Variants in LRBA observed in about 807,000 individuals in gnomAD.
LRBA encodes the protein lipopolysaccharide-responsive and beige-like anchor protein.
In LRBA, 176 loss-of-function variants were observed where a neutral mutation model predicts 330.0. The observed-to-expected ratio is 0.53, with a 90% CI of 0.47 to 0.60. LRBA has a LOEUF of 0.60. LRBA is among the 20% of genes least tolerant of loss of function. The probability of loss-of-function intolerance (pLI) is 0.00; values close to 1 mark genes in which losing one functional copy is unlikely to be tolerated. For synonymous variants in LRBA, 1,230 were observed against 1,193.0 expected (o/e 1.03, Z -0.64); for missense variants, 3,259 against 3,444.8 (o/e 0.95, Z 1.35).
chr4:150,978,325 C>T (rs1187912709), intron 2 of LRBA, among the ~76,000 whole-genome samples: 1 of 152,238 alleles, frequency 6.6e-6, no homozygotes, highest in African/African-American at 2.4e-5. Context: ...TCTACAAGAA[C>T]CAAAGCATTA....
At chr4:150,467,523 T>C in intron 44 of LRBA, 150 bp downstream of exon 44, 1 of 524,928 alleles carries the variant, frequency 1.9e-6, no homozygotes, top group Non-Finnish European at 3.4e-6. Flanking sequence ...CATTAAATTT[T>C]TCCATTTGAA....
chr4:150,774,035 G>C (rs1736931217), intron 34 of LRBA, among the ~76,000 whole-genome samples: 1 of 152,118 alleles, frequency 6.6e-6, no homozygotes, highest in Admixed American at 6.5e-5. Context: ...AATTTTGGTG[G>C]CACACCAGTG....
In LRBA at chr4:150,583,645, G is replaced by A. The variant is rs866177323; in HGVS notation, c.6330+4403C>T. On this transcript the variant is annotated intron_variant, in intron 40 of 56. Transcript: ENST00000651943. The surrounding 1 kb of genome is among the most constrained non-coding windows in gnomAD (Gnocchi z 9.8). ...CAATCGGGTGGCCGAGGTCAAGGCCGAAGGGTTCAACTTGCTCTCGAAGGA... is the reference window on the plus strand; with the variant it reads ...CAATCGGGTGGCCGAGGTCAAGGCCAAAGGGTTCAACTTGCTCTCGAAGGA... 6.2e-7 allele frequency: 1 copy of A among 1,614,010 alleles called. No individual in the cohort carries two copies. Among genetic ancestry groups the A allele is most frequent in the African/African-American group, 1.3e-5 (1 of 75,056 alleles).
chr4:150,837,865 T>C (rs1472603988), intron 28 of LRBA, among the ~76,000 whole-genome samples: 1 of 152,242 alleles, frequency 6.6e-6, no homozygotes, highest in African/African-American at 2.4e-5. Context: ...GCTCATTAGT[T>C]GATGCAGTTT....
At chr4:150,907,924 TAATA>T (rs1418064312) in intron 11 of LRBA, among the ~76,000 whole-genome samples, 12 of 152,222 alleles carry the variant, frequency 7.9e-5, no homozygotes, top group Non-Finnish European at 1.5e-4. Flanking sequence ...ATGCAATCAG[TAATA>T]AATAATTAAA....
At chr4:150,471,132 A>G (rs1393160640) in intron 43 of LRBA, among the ~76,000 whole-genome samples, 1 of 152,214 alleles carries the variant, frequency 6.6e-6, no homozygotes, top group Non-Finnish European at 1.5e-5. Context: ...ACAAAAATAT[A>G]CAGTATATAC....
At chr4:150,565,097 G>A (rs1227417124) in intron 40 of LRBA, among the ~76,000 whole-genome samples, 1 of 152,038 alleles carries the variant, frequency 6.6e-6, no homozygotes, top group East Asian at 1.9e-4. Flanking sequence ...CAAAGACATG[G>A]AACCAACCCA....
intron 35 of LRBA, among the ~76,000 whole-genome samples, chr4:150,736,981 G>A (rs1209285230): frequency 1.3e-5 from 2 of 152,042 alleles, no homozygotes; most frequent in Admixed American, 6.6e-5. Flanking sequence ...TGGGAGGTCC[G>A]GGCGAGAGGA....
chr4:150,342,351 A>G (rs1052111863), intron 48 of LRBA, among the ~76,000 whole-genome samples: 19 of 152,172 alleles, frequency 1.2e-4, no homozygotes, highest in Non-Finnish European at 2.4e-4. Flanking sequence ...TGTTAAAGGC[A>G]GTGAAAAAAA....
intron 17 of LRBA, among the ~76,000 whole-genome samples, chr4:150,889,175 T>C (rs1729226301): frequency 1.3e-5 from 2 of 152,132 alleles, no homozygotes; most frequent in African/African-American, 4.8e-5. Flanking sequence ...TCTGTTTTAC[T>C]CAAAGTCCAC....
intron 37 of LRBA, among the ~76,000 whole-genome samples, chr4:150,655,637 A>C (rs1780111719): frequency 1.3e-5 from 2 of 152,242 alleles, no homozygotes; most frequent in Admixed American, 6.5e-5. Context: ...TTGGCAAACC[A>C]AAAGTTTGCT....
chr4:150,389,000 G>A (rs374306836), intron 47 of LRBA, among the ~76,000 whole-genome samples: 1 of 152,042 alleles, frequency 6.6e-6, no homozygotes, highest in African/African-American at 2.4e-5. Flanking sequence ...AAAAGTATGT[G>A]ACACTATAAT....
At chr4:150,457,697 T>C (rs1043105615) in intron 44 of LRBA, among the ~76,000 whole-genome samples, 4 of 151,914 alleles carry the variant, frequency 2.6e-5, no homozygotes, top group Non-Finnish European at 5.9e-5. Context: ...GGATAGTTAC[T>C]ACTACTAATT....
chr4:150,975,734 A>C lies in LRBA; in HGVS notation c.216+38693T>G, dbSNP rs114431817. Among the ~76,000 whole-genome samples, 608 of 152,214 alleles carry C rather than the reference A, an allele frequency of 4.0e-3. 6 individuals are homozygous for C. The highest frequency in any genetic ancestry group is 0.014 in the African/African-American group (573 of 41,568). ...AGATGACAGAAAAAATAATCAATGAATATAAAAATAAATCAATATAAATTA... is the reference window on the plus strand; with the variant it reads ...AGATGACAGAAAAAATAATCAATGACTATAAAAATAAATCAATATAAATTA... On this transcript the variant is annotated intron_variant, in intron 2 of 56. Coordinates refer to ENST00000651943, the MANE Select transcript of LRBA (RefSeq NM_001364905.1).
intron 20 of LRBA, among the ~76,000 whole-genome samples, chr4:150,869,863 T>G (rs575121099): frequency 6.6e-6 from 1 of 152,124 alleles, no homozygotes; most frequent in Non-Finnish European, 1.5e-5. Context: ...TAGACCAGCC[T>G]GGGCAACATA....
chr4:150,737,053 A>C (rs75935369), intron 35 of LRBA, among the ~76,000 whole-genome samples: 5,032 of 152,206 alleles, frequency 0.033, 232 homozygotes, highest in African/African-American at 0.11. Context: ...ATCTCTACCA[A>C]GAAAGTTTTT....
rs57550785 is a variant in LRBA at position 150,981,962 on chromosome 4, C to CAAAA, written c.216+32461_216+32464dup. ...AGGGAGACAGAGCAAGACTCCATCT[C>CAAAA]AAAAAAAAAAAAAAAAAAGTAACCT... is the stretch of plus-strand genomic sequence containing the variant. On this transcript the variant is annotated intron_variant, in intron 2 of 56. Transcript: ENST00000651943. Among the ~76,000 whole-genome samples the CAAAA allele has an allele frequency of 7.3e-4, 47 of 63,946 alleles. 2 individuals are homozygous for CAAAA. In the South Asian group the frequency reaches 0.024, roughly 33 times the overall value. The allele number at this position is 63,946 out of a possible 152,430, so 42.0% of individuals were successfully genotyped here.
At chr4:150,319,097 G>A (rs538527772) in intron 50 of LRBA, among the ~76,000 whole-genome samples, 38 of 152,258 alleles carry the variant, frequency 2.5e-4, no homozygotes, top group African/African-American at 8.4e-4. Flanking sequence ...AGTCATCAAC[G>A]CGTAGGGTCT....
rs1560976149 is a variant in LRBA, at chr4:150,897,801, G to T, written c.1942C>A (p.Gln648Lys). Residue 648 changes from glutamine (Q) to lysine (K), a missense_variant, in exon 15 of 57, where the codon CAA (glutamine) becomes AAA (lysine). Transcript: ENST00000651943. ...PKGLDGPRPN[Q>K]KEMLSLRAFL... is the part of the protein sequence containing the mutation. ...GCTCGTAGAGAAAGCATTTCTTTTTGATTAGGTCGCGGTCCATCTTTTAAA... is the reference window on the plus strand; with the variant it reads ...GCTCGTAGAGAAAGCATTTCTTTTTTATTAGGTCGCGGTCCATCTTTTAAA... 14 of 1,611,364 alleles carry T rather than the reference G, an allele frequency of 8.7e-6. No individual in the cohort carries two copies. The highest frequency in any genetic ancestry group is 1.7e-5 in the Admixed American group (1 of 59,932).
Sources: gnomAD v4.1 joint callset for allele counts (sites outside exome capture counted in the v4.1 genomes callset) on GRCh38, gnomAD v4.1.1 for gene constraint, Gnocchi (gnomAD v3.1) non-coding constraint, MANE v1.5 for transcripts, NCBI Gene and HGNC (gene_info 2026-07-23, HGNC 2026-07-21) for gene names.